The following RPS6KC1 variants were observed in gnomAD, a reference collection of about 807,000 sequenced individuals.
RPS6KC1 encodes inactive ribosomal protein S6 kinase delta-1.
RPS6KC1 carries 54 observed loss-of-function variants against 103.8 expected under a neutral mutation model. That is an observed-to-expected ratio of 0.52 (90% CI 0.42 to 0.65). RPS6KC1 has a LOEUF of 0.65. Ranked by LOEUF, RPS6KC1 falls within the 30% of genes least tolerant of loss-of-function variation. The pLI, the probability that RPS6KC1 is intolerant of heterozygous loss-of-function variation, is 0.00. For synonymous variants in RPS6KC1, 439 were observed against 438.7 expected, an observed-to-expected ratio of 1.00 and a Z score of -0.01; for missense variants, 1,151 against 1,253.8, an observed-to-expected ratio of 0.92 and a Z score of 1.24.
chr1:213,774,240 CA>C, the RPS6KC1 span, among the ~76,000 whole-genome samples: 3 of 152,206 alleles, frequency 2.0e-5, no homozygotes, highest in African/African-American at 7.2e-5. Context: ...AAATTGGTTA[CA>C]GTGTGACCCT....
chr1:213,522,680 C>T, the RPS6KC1 span, among the ~76,000 whole-genome samples: 1 of 152,222 alleles, frequency 6.6e-6, no homozygotes, highest in Non-Finnish European at 1.5e-5. Context: ...TGCTGCTTCA[C>T]CTTGCACTTT....
chr1:213,727,649 G>A, the RPS6KC1 span, among the ~76,000 whole-genome samples: 2 of 152,146 alleles, frequency 1.3e-5, no homozygotes, highest in Non-Finnish European at 2.9e-5. Context: ...GCCAGGCTGT[G>A]TTCACAAAAG....
chr1:213,779,659 G>A, the RPS6KC1 span, among the ~76,000 whole-genome samples: 1 of 152,216 alleles, frequency 6.6e-6, no homozygotes, highest in Non-Finnish European at 1.5e-5. Flanking sequence ...TAGAATCAAT[G>A]TGGATCTGAA....
At chr1:213,318,121 C>T in the RPS6KC1 span, among the ~76,000 whole-genome samples, 2 of 152,252 alleles carry the variant, frequency 1.3e-5, no homozygotes, top group Admixed American at 6.5e-5. Context: ...TGTTTCCTTA[C>T]TGCAAGTGTC....
chr1:213,375,264 CAT>C, the RPS6KC1 span, among the ~76,000 whole-genome samples: 2 of 151,928 alleles, frequency 1.3e-5, no homozygotes, highest in Non-Finnish European at 2.9e-5. Flanking sequence ...CACATACACA[CAT>C]ATACACATAC....
chr1:213,317,754 T>C, the RPS6KC1 span, among the ~76,000 whole-genome samples: 1 of 152,366 alleles, frequency 6.6e-6, no homozygotes, highest in East Asian at 1.9e-4. Flanking sequence ...GTCACTGTTA[T>C]TGGTCATACT....
chr1:213,811,287 C>T, the RPS6KC1 span, among the ~76,000 whole-genome samples: 1 of 152,170 alleles, frequency 6.6e-6, no homozygotes, highest in African/African-American at 2.4e-5. Flanking sequence ...GCTAAAGATA[C>T]AGAATTGAAC....
chr1:213,681,415 A>G, the RPS6KC1 span, among the ~76,000 whole-genome samples: 1 of 152,198 alleles, frequency 6.6e-6, no homozygotes, highest in African/African-American at 2.4e-5. Flanking sequence ...ATGTCAAGGG[A>G]TAAGAGCCAA....
At chr1:213,474,015 C>T in the RPS6KC1 span, among the ~76,000 whole-genome samples, 1 of 152,292 alleles carries the variant, frequency 6.6e-6, no homozygotes, top group East Asian at 1.9e-4. Flanking sequence ...AAGCACTTCC[C>T]TCTCTCTCCT....
At chr1:213,349,350 C>T in the RPS6KC1 span, among the ~76,000 whole-genome samples, 10 of 152,146 alleles carry the variant, frequency 6.6e-5, no homozygotes, top group Non-Finnish European at 1.0e-4. Flanking sequence ...CCAGGGCTGA[C>T]GTGGGGGACG....
the RPS6KC1 span, among the ~76,000 whole-genome samples, chr1:213,351,142 G>T: frequency 6.6e-6 from 1 of 152,168 alleles, no homozygotes; most frequent in South Asian, 2.1e-4. Context: ...ATCCTCGTGG[G>T]CATTTCTGAT....
the RPS6KC1 span, among the ~76,000 whole-genome samples, chr1:213,421,122 T>C: frequency 6.6e-6 from 1 of 152,178 alleles, no homozygotes; most frequent in Admixed American, 6.5e-5. Flanking sequence ...GTTTGGTTTT[T>C]TTGTTTGTTC....
At chr1:213,583,511 A>G in the RPS6KC1 span, among the ~76,000 whole-genome samples, 1 of 152,158 alleles carries the variant, frequency 6.6e-6, no homozygotes, top group African/African-American at 2.4e-5. Context: ...AGAATAATTC[A>G]GACAGCTTGT....
rs71573864 is a variant in RPS6KC1 at position 213,145,967 on chromosome 1, G to GTTTTTTTTTTTTTTTTTTTT, written c.835+16086_835+16105dup. On this transcript the variant is annotated intron_variant, in intron 6 of 14. Coordinates refer to ENST00000366960, the MANE Select transcript of RPS6KC1 (RefSeq NM_012424.6). The stretch of plus-strand genomic sequence containing the variant: ...CAAATAGGTCTTATTCATTCATTCT[G>GTTTTTTTTTTTTTTTTTTTT]TTTTTTTTTTTTTTTTTTTTTTTTT... Among the ~76,000 whole-genome samples the GTTTTTTTTTTTTTTTTTTTT allele has an allele frequency of 1.9e-4, 9 of 47,804 alleles. 1 individual carries two copies. Among genetic ancestry groups the GTTTTTTTTTTTTTTTTTTTT allele is most frequent in the African/African-American group, 3.9e-4 (4 of 10,176 alleles). 31.4% of individuals were successfully genotyped at this position (47,804 alleles called of 152,430 possible).
At chr1:213,276,175 C>T (rs1301371908), downstream of RPS6KC1, among the ~76,000 whole-genome samples, 1 of 152,112 alleles carries the variant, frequency 6.6e-6, no homozygotes, top group Admixed American at 6.5e-5. Flanking sequence ...AATTTGCTTG[C>T]CCACAAGTTT....
the RPS6KC1 span, among the ~76,000 whole-genome samples, chr1:213,604,284 C>T: frequency 1.3e-5 from 2 of 152,326 alleles, no homozygotes; most frequent in Middle Eastern, 3.4e-3. Context: ...GCTTAGTGCA[C>T]GTGATTCAAG....
chr1:213,800,361 G>C, the RPS6KC1 span, among the ~76,000 whole-genome samples: 1 of 152,146 alleles, frequency 6.6e-6, no homozygotes, highest in Admixed American at 6.6e-5. Context: ...CCCTTCCTAA[G>C]ACGATGCTCC....
intron 3 of RPS6KC1, among the ~76,000 whole-genome samples, chr1:213,088,836 C>T (rs999683067): frequency 2.6e-5 from 4 of 152,114 alleles, no homozygotes; most frequent in African/African-American, 9.7e-5. Context: ...ACAGGGGTTT[C>T]TCCAGGCTGA....
At chr1:213,657,053 C>T in the RPS6KC1 span, among the ~76,000 whole-genome samples, 2 of 152,130 alleles carry the variant, frequency 1.3e-5, no homozygotes, top group East Asian at 3.9e-4. Flanking sequence ...AAATGATGAA[C>T]ATAGTTGGAA....
Sources: allele counts gnomAD v4.1 joint callset (sites outside exome capture counted in the v4.1 genomes callset), GRCh38; gene constraint gnomAD v4.1.1; transcripts MANE v1.5; gene names NCBI Gene and HGNC (gene_info 2026-07-23, HGNC 2026-07-21).